NVL: variants seen among roughly 807,000 people sequenced by gnomAD.
The protein encoded by NVL is nuclear VCP like.
A neutral mutation model predicts 110.2 loss-of-function variants in NVL; 84 were observed. The observed-to-expected ratio is 0.76, with a 90% CI of 0.64 to 0.91. NVL has a LOEUF of 0.91. Ranked by LOEUF, NVL falls within the 40% of genes least tolerant of loss-of-function variation. The pLI is 0.00. For missense variants in NVL, 882 were observed against 1,035.9 expected, an observed-to-expected ratio of 0.85 and a Z score of 2.04; for synonymous variants, 354 against 361.1, an observed-to-expected ratio of 0.98 and a Z score of 0.22.
intron 11 of NVL, among the ~76,000 whole-genome samples, chr1:224,295,787 G>A (rs1006538999): frequency 2.0e-5 from 3 of 151,108 alleles, no homozygotes; most frequent in African/African-American, 7.3e-5. Flanking sequence ...AGACCAGCCT[G>A]GCCAACATGG....
chr1:224,233,703 G>A (rs1660156460), intron 20 of NVL, among the ~76,000 whole-genome samples: 1 of 152,134 alleles, frequency 6.6e-6, no homozygotes, highest in Non-Finnish European at 1.5e-5. Flanking sequence ...CGGTTGCAAT[G>A]AGCCAAGATC....
At chr1:224,287,710 TGGAGCTTTATCTCTG>T in intron 14 of NVL, 50 bp downstream of exon 14, 6 of 1,373,822 alleles carry the variant, frequency 4.4e-6, no homozygotes, top group Non-Finnish European at 6.2e-6. Flanking sequence ...TACACATGCA[TGGAGCTTTATCTCTG>T]GTCTTTAATC....
intron 12 of NVL, among the ~76,000 whole-genome samples, chr1:224,291,876 G>A (rs540539571): frequency 1.3e-5 from 2 of 152,294 alleles, no homozygotes; most frequent in Admixed American, 6.5e-5. Context: ...CCTAAAAAAA[G>A]TGGGTATTTT....
At chr1:224,229,112 T>C (rs1211197504) in intron 22 of NVL, among the ~76,000 whole-genome samples, 1 of 151,218 alleles carries the variant, frequency 6.6e-6, no homozygotes, top group Non-Finnish European at 1.5e-5. Flanking sequence ...CTGACCAACA[T>C]GGAGAAACCC....
chr1:224,310,075 G>A (rs1669352589), intron 5 of NVL, among the ~76,000 whole-genome samples: 2 of 150,990 alleles, frequency 1.3e-5, no homozygotes, highest in East Asian at 3.9e-4. Context: ...CACTTGAGCT[G>A]GGGAGGTGGA....
intron 17 of NVL, among the ~76,000 whole-genome samples, chr1:224,268,900 C>T (rs1664767413): frequency 6.6e-6 from 1 of 152,056 alleles, no homozygotes; most frequent in African/African-American, 2.4e-5. Context: ...TTCAGGTGAT[C>T]TGCCCACCTC....
At chr1:224,227,914 C>A in intron 22 of NVL, 1 of 235,024 alleles carries the variant, frequency 4.3e-6, no homozygotes, top group Non-Finnish European at 8.5e-6. Flanking sequence ...AGAGCATGTG[C>A]GCAGAGGGAA....
In NVL at chr1:224,313,929, G is replaced by T. The variant is rs528939621; in HGVS notation, c.285-2072C>A. Among the ~76,000 whole-genome samples, 4 of 152,296 alleles carry T rather than the reference G, an allele frequency of 2.6e-5. No individual in the cohort carries two copies. In the East Asian group the frequency reaches 7.7e-4, roughly 29 times the overall value. On this transcript the variant is annotated intron_variant, in intron 4 of 22. Coordinates refer to ENST00000281701, the MANE Select transcript of NVL (RefSeq NM_002533.4). ...GAGGCAGGAGAATTGCTTGAACCTG[G>T]GAGGCAGAGGATGCAGTGAGTCGAG...
At chr1:224,281,993 G>T (rs772437920) in intron 15 of NVL, among the ~76,000 whole-genome samples, 1 of 149,116 alleles carries the variant, frequency 6.7e-6, no homozygotes, top group Non-Finnish European at 1.5e-5. Context: ...GGGAAAAGGG[G>T]AATGGATAAA....
rs555852190 is a variant in NVL at position 224,234,593 on chromosome 1, A to G, written c.2367-1304T>C. ...TCAGACACATACTATATAAAAGTAAAGACCCACAGAGCTTAAATTTTTAAC... is the reference window on the plus strand; with the variant it reads ...TCAGACACATACTATATAAAAGTAAGGACCCACAGAGCTTAAATTTTTAAC... On this transcript the variant is annotated intron_variant, in intron 20 of 22. Transcript: ENST00000281701. Among the ~76,000 whole-genome samples, 20 of 152,162 alleles carry G rather than the reference A, an allele frequency of 1.3e-4. No homozygotes were observed. The South Asian group carries it at 3.9e-3, about 30-fold the overall frequency.
At chr1:224,232,527 T>C (rs533339128) in intron 21 of NVL, among the ~76,000 whole-genome samples, 5 of 152,158 alleles carry the variant, frequency 3.3e-5, no homozygotes, top group African/African-American at 1.2e-4. Context: ...GCCAGTCTAA[T>C]TTTTAAATTT....
intron 2 of NVL, among the ~76,000 whole-genome samples, chr1:224,320,206 A>G (rs1244173563): frequency 6.6e-6 from 1 of 152,214 alleles, no homozygotes; most frequent in Admixed American, 6.5e-5. Flanking sequence ...TTACTGAATC[A>G]AGATTACATT....
At position 224,289,514 on chromosome 1, in the gene NVL, C is replaced by G. The variant is rs141166869; in HGVS notation, c.1545G>C (p.Arg515Ser). Residue 515 changes from arginine to serine, a missense_variant, in exon 13 of 23, where the codon AGG becomes AGC. By Grantham distance (110) the Arg-to-Ser change is moderately radical. Around this residue, in one of 4 missense-constraint regions of NVL, gnomAD observed 416 missense variants for 499.3 expected, o/e 0.83. Coordinates refer to ENST00000281701, the MANE Select transcript of NVL (RefSeq NM_002533.4). ...DLPSKGVQEE[R>S]LGTEPTSETQ... ...TTTCAGAAGTGGGCTCAGTTCCCAG[C>G]CTTTCCTCCTGGACTCCTTTAGATG... 9.2e-5 allele frequency: 148 copies of G among 1,614,114 alleles called. No homozygotes were observed. Among genetic ancestry groups the G allele is most frequent in the Non-Finnish European group, 1.2e-4 (140 of 1,180,054 alleles).
At chr1:224,294,164 G>C (rs1667644859) in intron 12 of NVL, 103 bp downstream of exon 12, 1 of 1,224,798 alleles carries the variant, frequency 8.2e-7, no homozygotes, top group South Asian at 1.3e-5. Context: ...CAAAAAGAAA[G>C]AGAGAGAAAG....
At chr1:224,319,724 T>C (rs1413600689) in intron 2 of NVL, among the ~76,000 whole-genome samples, 1 of 152,176 alleles carries the variant, frequency 6.6e-6, no homozygotes, top group Non-Finnish European at 1.5e-5. Flanking sequence ...AGCAAGACCA[T>C]CTGCTAAAAA....
chr1:224,318,988 CAA>C (rs35766183), intron 2 of NVL, among the ~76,000 whole-genome samples: 4 of 94,498 alleles, frequency 4.2e-5, no homozygotes, highest in Admixed American at 1.1e-4. Context: ...GACTCCGTCT[CAA>C]AAAAAAAAAA....
At chr1:224,290,013 C>T (rs1421840263) in intron 12 of NVL, among the ~76,000 whole-genome samples, 1 of 152,106 alleles carries the variant, frequency 6.6e-6, no homozygotes, top group Non-Finnish European at 1.5e-5. Context: ...TAAGAATTTA[C>T]AACATTACAG....
chr1:224,295,303 C>T (rs887889999), intron 11 of NVL, among the ~76,000 whole-genome samples: 1 of 152,160 alleles, frequency 6.6e-6, no homozygotes, highest in African/African-American at 2.4e-5. Flanking sequence ...TGCCATTCTC[C>T]TGCCTCAGCC....
rs146483979 is a variant in NVL, at chr1:224,296,611, G to A, written c.1070C>T (p.Ala357Val). Residue 357 changes from alanine to valine, a missense_variant, in exon 11 of 23, where the codon GCA (alanine) becomes GTA (valine). Ala to Val is a moderately conservative substitution (Grantham distance 64, BLOSUM62 0). This residue lies in a region of NVL where 416 missense variants were observed against 499.3 expected (regional missense o/e 0.83). Transcript: ENST00000281701. ...TTCATCAATGAAAATGATACATGGTGCATTTGACTAGAAATAAAAATATCA... is the reference window on the plus strand; with the variant it reads ...TTCATCAATGAAAATGATACATGGTACATTTGACTAGAAATAAAAATATCA... The part of the protein sequence containing the change: ...RELFEQAVSN[A>V]PCIIFIDEID... 47 of 1,570,026 alleles carry A rather than the reference G, an allele frequency of 3.0e-5. No homozygotes were observed. In the African/African-American group the frequency reaches 3.7e-4, roughly 12 times the overall value.
Sources: gnomAD v4.1 joint callset for allele counts (sites outside exome capture counted in the v4.1 genomes callset) on GRCh38, gnomAD v4.1.1 for gene constraint, gnomAD v4.1.1 regional missense constraint, MANE v1.5 for transcripts, NCBI Gene and HGNC (gene_info 2026-07-23, HGNC 2026-07-21) for gene names.